The following DNAJC13 variants were observed in gnomAD, a reference collection of about 807,000 sequenced individuals.
DNAJC13 encodes the protein dnaJ homolog subfamily C member 13.
A neutral mutation model predicts 290.5 loss-of-function variants in DNAJC13; 75 were observed. The ratio of observed to expected loss-of-function variants is 0.26; its 90% CI spans 0.21 to 0.31. The LOEUF (loss-of-function observed/expected upper bound fraction) is 0.31, where lower values mean the gene tolerates loss of function less well. DNAJC13 is among the 10% of genes least tolerant of loss of function. The probability of loss-of-function intolerance (pLI) is 1.00; values close to 1 mark genes in which losing one functional copy is unlikely to be tolerated. For synonymous variants in DNAJC13, 862 were observed against 892.0 expected (o/e 0.97, Z 0.60); for missense variants, 2,260 against 2,674.5 (o/e 0.85, Z 3.42).
chr3:132,505,467 T>C (rs748468246), intron 42 of DNAJC13, 52 bp downstream of exon 42: 5 of 1,187,922 alleles, frequency 4.2e-6, no homozygotes, highest in Non-Finnish European at 4.9e-6. Flanking sequence ...ATGGAATCTC[T>C]GGAAGTACAG....
chr3:132,473,576 T>C (rs2107687426), intron 21 of DNAJC13, among the ~76,000 whole-genome samples: 1 of 152,268 alleles, frequency 6.6e-6, no homozygotes, highest in East Asian at 1.9e-4. Context: ...TTGTGAGAAG[T>C]GAGTGTCCAA....
intron 24 of DNAJC13, 57 bp downstream of exon 24, chr3:132,478,197 A>C: frequency 7.0e-7 from 1 of 1,435,000 alleles, no homozygotes; most frequent in Non-Finnish European, 9.3e-7. Context: ...GTATGTGTTA[A>C]ATTTTAAAAA....
intron 16 of DNAJC13, 113 bp from the exon 17 acceptor site, chr3:132,463,583 T>C (rs1933878925): frequency 7.9e-7 from 1 of 1,270,640 alleles, no homozygotes. Flanking sequence ...TTTAAAAACT[T>C]CTATTACATA....
intron 35 of DNAJC13, among the ~76,000 whole-genome samples, chr3:132,495,375 C>G (rs997606688): frequency 1.3e-5 from 2 of 152,122 alleles, no homozygotes; most frequent in Non-Finnish European, 2.9e-5. Context: ...TGACTAGCAA[C>G]TTACAGGTTT....
rs112774842 is a variant in DNAJC13 at position 132,419,301 on chromosome 3, C to T, written c.-14+1541C>T. On this transcript the variant is annotated intron_variant, in intron 1 of 55. Coordinates refer to ENST00000260818, the MANE Select transcript of DNAJC13 (RefSeq NM_015268.4). ...TTCCACTGAGAGGCAATGAATATTC[C>T]TCTTTTTCTAAAGTGGTAGTAATAA... Among the ~76,000 whole-genome samples the T allele has an allele frequency of 4.7e-3, 722 of 152,098 alleles. 6 individuals are homozygous for T. The highest frequency in any genetic ancestry group is 0.015 in the African/African-American group (602 of 41,480).
intron 22 of DNAJC13, among the ~76,000 whole-genome samples, chr3:132,477,165 T>A (rs1295026978): frequency 1.3e-5 from 2 of 152,242 alleles, no homozygotes; most frequent in Admixed American, 1.3e-4. Context: ...TAATTTATAT[T>A]TTTAGAAATC....
rs202127368 is a variant in DNAJC13, at chr3:132,484,650, C to T, written c.3245C>T (p.Thr1082Ile). ...PKVKRLLSDS[T>I]CLPHIIQLLL... ...GTGAAAAGACTGCTGTCAGATAGCA[C>T]TTGCCTTCCCCATATTATTCAGGTG... Residue 1082 changes from threonine (T) to isoleucine (I), a missense_variant, in exon 29 of 56, where the codon ACT becomes ATT. Thr to Ile is a moderately conservative substitution (Grantham distance 89). This residue lies in a region of DNAJC13 where 1,494 missense variants were observed against 1,693.7 expected (regional missense o/e 0.88). Transcript: ENST00000260818. The T allele has an allele frequency of 5.2e-4, 847 of 1,613,970 alleles. No individual in the cohort carries two copies. Among genetic ancestry groups the T allele is most frequent in the Non-Finnish European group, 6.5e-4 (763 of 1,179,856 alleles).
intron 6 of DNAJC13, among the ~76,000 whole-genome samples, chr3:132,452,969 C>G (rs1933463691): frequency 6.6e-6 from 1 of 152,170 alleles, no homozygotes; most frequent in Admixed American, 6.5e-5. Context: ...CACACAGTAC[C>G]CATCACCCCC....
At chr3:132,500,372 A>G (rs550348792) in intron 38 of DNAJC13, among the ~76,000 whole-genome samples, 3 of 152,360 alleles carry the variant, frequency 2.0e-5, no homozygotes, top group Non-Finnish European at 2.9e-5. Flanking sequence ...ATATTCTGCT[A>G]TGTTAATAAA....
chr3:132,528,946 T>C (rs1936336619), intron 54 of DNAJC13, among the ~76,000 whole-genome samples: 2 of 152,056 alleles, frequency 1.3e-5, no homozygotes, highest in Non-Finnish European at 2.9e-5. Context: ...CTACTAATGC[T>C]CATTTTTTTT....
At chr3:132,473,274 C>T in intron 21 of DNAJC13, 47 bp downstream of exon 21, 2 of 1,284,046 alleles carry the variant, frequency 1.6e-6, no homozygotes, top group Non-Finnish European at 2.2e-6. Flanking sequence ...TTAGTATTGC[C>T]ATGAGAGGCA....
chr3:132,457,570 A>G (rs924670867), intron 13 of DNAJC13: 4 of 511,554 alleles, frequency 7.8e-6, no homozygotes, highest in African/African-American at 3.9e-5. Context: ...ATCTTAAGAC[A>G]GAAGTTCTTT....
intron 55 of DNAJC13, among the ~76,000 whole-genome samples, chr3:132,532,349 A>G (rs1368775739): frequency 6.6e-6 from 1 of 152,156 alleles, no homozygotes; most frequent in African/African-American, 2.4e-5. Context: ...TTGGTGTGAC[A>G]CTTTTTTTTC....
chr3:132,538,023 T>C (rs1026838581), intron 55 of DNAJC13, among the ~76,000 whole-genome samples, 153 bp from the exon 56 acceptor site: 1 of 152,238 alleles, frequency 6.6e-6, no homozygotes, highest in African/African-American at 2.4e-5. Context: ...ACTATGTAGC[T>C]GTTTATTAAG....
intron 2 of DNAJC13, among the ~76,000 whole-genome samples, chr3:132,436,970 A>G (rs1939401561): frequency 6.7e-6 from 1 of 149,586 alleles, no homozygotes; most frequent in African/African-American, 2.5e-5. Context: ...CCTCTGCCTC[A>G]TGGGTTCAAG....
At chr3:132,488,546 A>G in intron 30 of DNAJC13, 94 bp downstream of exon 30, 1 of 1,245,280 alleles carries the variant, frequency 8.0e-7, no homozygotes, top group Non-Finnish European at 1.1e-6. Context: ...TATTGCTTTT[A>G]TTAAAATTAT....
intron 55 of DNAJC13, among the ~76,000 whole-genome samples, chr3:132,536,661 T>C: frequency 6.6e-6 from 1 of 152,168 alleles, no homozygotes; most frequent in Non-Finnish European, 1.5e-5. Context: ...GCAGTAATCA[T>C]GCTGCAGCCT....
At chr3:132,487,593 G>A (rs572089244) in intron 29 of DNAJC13, among the ~76,000 whole-genome samples, 1 of 118,048 alleles carries the variant, frequency 8.5e-6, no homozygotes, top group East Asian at 2.3e-4. Flanking sequence ...GGGAGCATTT[G>A]ACCCCGAATT....
intron 14 of DNAJC13, 71 bp downstream of exon 14, chr3:132,460,428 C>A: frequency 3.8e-6 from 4 of 1,060,920 alleles, no homozygotes; most frequent in South Asian, 3.1e-5. Flanking sequence ...AGAAGTGCCA[C>A]GTGGATGATT....
Sources: gnomAD v4.1 joint callset for allele counts (sites outside exome capture counted in the v4.1 genomes callset) on GRCh38, gnomAD v4.1.1 for gene constraint, gnomAD v4.1.1 regional missense constraint, MANE v1.5 for transcripts, NCBI Gene and HGNC (gene_info 2026-07-23, HGNC 2026-07-21) for gene names.